Variants in NLGN1 observed in about 807,000 individuals in gnomAD.
The protein encoded by NLGN1 is neuroligin-1.
A neutral mutation model predicts 65.5 loss-of-function variants in NLGN1; 12 were observed. The observed-to-expected ratio is 0.18, with a 90% CI of 0.12 to 0.30. The LOEUF (loss-of-function observed/expected upper bound fraction) is 0.30, where lower values mean the gene tolerates loss of function less well. Among genes scored for constraint, NLGN1 ranks in the 10% least tolerant of loss-of-function variants. NLGN1 has a pLI of 1.00. For missense variants in NLGN1, 750 were observed against 1,007.1 expected, an observed-to-expected ratio of 0.74 and a Z score of 3.46; for synonymous variants, 350 against 359.5, an observed-to-expected ratio of 0.97 and a Z score of 0.30.
intron 4 of NLGN1, among the ~76,000 whole-genome samples, chr3:174,090,672 A>G (rs1456888352): frequency 6.6e-6 from 1 of 152,158 alleles, no homozygotes. Flanking sequence ...ACACATAAAG[A>G]TCAAAACCCC....
At chr3:173,522,903 CT>C (rs1735004586) in intron 2 of NLGN1, among the ~76,000 whole-genome samples, 1 of 152,018 alleles carries the variant, frequency 6.6e-6, no homozygotes, top group African/African-American at 2.4e-5. Flanking sequence ...TATAAGTGTT[CT>C]GTTTTCTCCT....
intron 2 of NLGN1, among the ~76,000 whole-genome samples, chr3:173,591,634 A>G (rs1441698292): frequency 6.6e-6 from 1 of 152,190 alleles, no homozygotes; most frequent in African/African-American, 2.4e-5. Context: ...GCCATACTCA[A>G]ACTTAGCACT....
intron 2 of NLGN1, among the ~76,000 whole-genome samples, chr3:173,512,949 T>C (rs932519216): frequency 5.3e-5 from 8 of 152,216 alleles, no homozygotes; most frequent in African/African-American, 1.7e-4. Flanking sequence ...GGAAAATGTT[T>C]CAGTCTTACA....
At chr3:174,259,655 C>T (rs1337280234) in intron 4 of NLGN1, among the ~76,000 whole-genome samples, 1 of 150,186 alleles carries the variant, frequency 6.7e-6, no homozygotes, top group Non-Finnish European at 1.5e-5. Context: ...ACAGTGAATA[C>T]AAACATGTTT....
At chr3:174,114,886 A>G (rs1378541778) in intron 4 of NLGN1, among the ~76,000 whole-genome samples, 1 of 152,118 alleles carries the variant, frequency 6.6e-6, no homozygotes, top group African/African-American at 2.4e-5. Context: ...CTTAATCTCA[A>G]AATTGTCCTA....
At chr3:173,594,090 A>C (rs1167457899) in intron 2 of NLGN1, among the ~76,000 whole-genome samples, 1 of 152,104 alleles carries the variant, frequency 6.6e-6, no homozygotes, top group East Asian at 1.9e-4. Context: ...GGCCCCTCCA[A>C]ATCTCATGTC....
intron 4 of NLGN1, among the ~76,000 whole-genome samples, chr3:173,848,876 A>G (rs1479405453): frequency 6.6e-6 from 1 of 152,214 alleles, no homozygotes; most frequent in East Asian, 1.9e-4. Flanking sequence ...AACATTAAAA[A>G]TAAACTATAA....
At chr3:173,557,939 A>C (rs563147265) in intron 2 of NLGN1, among the ~76,000 whole-genome samples, 36 of 152,224 alleles carry the variant, frequency 2.4e-4, no homozygotes, top group African/African-American at 8.4e-4. Flanking sequence ...TGGTAGCATC[A>C]ATTTTTTCAC....
At chr3:173,880,546 A>G (rs1399817232) in intron 4 of NLGN1, among the ~76,000 whole-genome samples, 3 of 151,238 alleles carry the variant, frequency 2.0e-5, no homozygotes, top group Non-Finnish European at 4.4e-5. Context: ...ACTGTTGTCC[A>G]TTAGGTGTAC....
intron 4 of NLGN1, among the ~76,000 whole-genome samples, chr3:173,840,047 C>T (rs1948162): frequency 0.84 from 127,516 of 152,200 alleles, 54,178 homozygotes; most frequent in African/African-American, 0.89. Flanking sequence ...TTTTACAAAT[C>T]GCAACATCGA....
intron 4 of NLGN1, among the ~76,000 whole-genome samples, chr3:173,857,662 A>G (rs1728263295): frequency 2.0e-5 from 3 of 152,072 alleles, no homozygotes; most frequent in Admixed American, 6.6e-5. Flanking sequence ...CTCTAAAATC[A>G]GTGCCACTTA....
downstream of NLGN1, among the ~76,000 whole-genome samples, chr3:174,287,875 A>G (rs990456752): frequency 6.6e-6 from 1 of 151,514 alleles, no homozygotes; most frequent in African/African-American, 2.4e-5. Flanking sequence ...TGCCTTGGGA[A>G]TTGGCTTCCT....
intron 4 of NLGN1, among the ~76,000 whole-genome samples, chr3:174,237,666 C>T (rs941563427): frequency 2.0e-5 from 3 of 152,128 alleles, no homozygotes; most frequent in Non-Finnish European, 2.9e-5. Context: ...AAGTGATTCT[C>T]CTGCCTCAGT....
intron 3 of NLGN1, among the ~76,000 whole-genome samples, chr3:173,777,085 G>T (rs1780409178): frequency 6.6e-6 from 1 of 151,930 alleles, no homozygotes. Context: ...GCTTACGCAA[G>T]TTATTTCATC....
chr3:174,281,425 A>C, exon 7 of NLGN1: 1 of 674,960 alleles, frequency 1.5e-6, no homozygotes, highest in Non-Finnish European at 2.5e-6. Flanking sequence ...GTGAATATAC[A>C]TATCAAGAAC....
At chr3:173,806,287 A>G (rs1294002870) in intron 3 of NLGN1, among the ~76,000 whole-genome samples, 1 of 152,170 alleles carries the variant, frequency 6.6e-6, no homozygotes, top group Non-Finnish European at 1.5e-5. Flanking sequence ...CAAGGCATTT[A>G]CATTACACAT....
At chr3:174,248,743 G>A (rs1002748577) in intron 4 of NLGN1, among the ~76,000 whole-genome samples, 8 of 152,132 alleles carry the variant, frequency 5.3e-5, no homozygotes, top group African/African-American at 1.4e-4. Context: ...CCTGGGCAAC[G>A]GAGTGAAACT....
At chr3:173,521,091 A>G (rs1015223700) in intron 2 of NLGN1, among the ~76,000 whole-genome samples, 6 of 152,240 alleles carry the variant, frequency 3.9e-5, no homozygotes, top group African/African-American at 1.4e-4. Context: ...GGCATTAAGA[A>G]TAAACACATT....
At chr3:173,707,425 G>C (rs945341393) in intron 3 of NLGN1, among the ~76,000 whole-genome samples, 8 of 152,150 alleles carry the variant, frequency 5.3e-5, no homozygotes, top group African/African-American at 1.9e-4. Flanking sequence ...AGTAGTAAGT[G>C]TATCGCAAGT....
Sources: allele counts gnomAD v4.1 joint callset (sites outside exome capture counted in the v4.1 genomes callset), GRCh38; gene constraint gnomAD v4.1.1; transcripts MANE v1.5; gene names NCBI Gene and HGNC (gene_info 2026-07-23, HGNC 2026-07-21).